SKAP1: variants seen among roughly 807,000 people sequenced by gnomAD.
SKAP1 encodes src kinase associated phosphoprotein 1.
SKAP1 carries 44 observed loss-of-function variants against 58.5 expected under a neutral mutation model. That is an observed-to-expected ratio of 0.75 (90% CI 0.59 to 0.97). The LOEUF is 0.97. Among genes scored for constraint, SKAP1 ranks in the 50% least tolerant of loss-of-function variants. The probability of loss-of-function intolerance (pLI) is 0.00; values close to 1 mark genes in which losing one functional copy is unlikely to be tolerated. For missense variants in SKAP1, 390 were observed against 435.2 expected (o/e 0.90, Z 0.92); for synonymous variants, 127 against 149.7 (o/e 0.85, Z 1.11).
chr17:48,160,885 C>T (rs1161344199), intron 11 of SKAP1, among the ~76,000 whole-genome samples: 1 of 152,228 alleles, frequency 6.6e-6, no homozygotes, highest in Non-Finnish European at 1.5e-5. Context: ...TGCTTTCGGG[C>T]ATTTGAAATA....
intron 11 of SKAP1, chr17:48,156,418 A>T: frequency 2.0e-6 from 1 of 508,770 alleles, no homozygotes; most frequent in Non-Finnish European, 4.0e-6. Flanking sequence ...TTGGTTACGT[A>T]TGAGGAGACC....
At chr17:48,305,357 A>G (rs1211622830) in intron 4 of SKAP1, among the ~76,000 whole-genome samples, 1 of 152,082 alleles carries the variant, frequency 6.6e-6, no homozygotes, top group Non-Finnish European at 1.5e-5. Flanking sequence ...GCCTATAATA[A>G]AAGTTTTAAT....
chr17:48,418,783 C>A (rs986809986), intron 1 of SKAP1, among the ~76,000 whole-genome samples: 5 of 152,142 alleles, frequency 3.3e-5, no homozygotes, highest in African/African-American at 1.2e-4. Flanking sequence ...CAAACCAATA[C>A]ACACAATAAC....
rs2065610240 is a variant in SKAP1, at chr17:48,270,228, A to G, written c.280+75677T>C. ...TAAAAGTCATCAAAAATATCTCAGTATTTGTGACTTTTCTTTTGGATAACT... is the reference window on the plus strand; with the variant it reads ...TAAAAGTCATCAAAAATATCTCAGTGTTTGTGACTTTTCTTTTGGATAACT... On this transcript the variant is annotated intron_variant, in intron 4 of 12. Coordinates refer to ENST00000336915, the MANE Select transcript of SKAP1 (RefSeq NM_003726.4). 2.0e-5 allele frequency among the ~76,000 whole-genome samples: 3 copies of G among 152,328 alleles called. No homozygotes were observed. The South Asian group carries it at 6.2e-4, about 32-fold the overall frequency.
At chr17:48,304,112 T>G (rs1690162805) in intron 4 of SKAP1, among the ~76,000 whole-genome samples, 1 of 152,196 alleles carries the variant, frequency 6.6e-6, no homozygotes, top group South Asian at 2.1e-4. Flanking sequence ...ATTTGCTACA[T>G]CTAATGTAAT....
intron 4 of SKAP1, among the ~76,000 whole-genome samples, chr17:48,197,562 G>A (rs1206429360): frequency 6.6e-6 from 1 of 152,120 alleles, no homozygotes; most frequent in African/African-American, 2.4e-5. Flanking sequence ...GGTGGTATGT[G>A]CCTGTAGTCC....
chr17:48,347,957 G>A (rs2066744545), intron 3 of SKAP1, among the ~76,000 whole-genome samples: 1 of 152,196 alleles, frequency 6.6e-6, no homozygotes, highest in African/African-American at 2.4e-5. Context: ...TTTAACTTTT[G>A]TAGGATATAC....
chr17:48,335,741 AT>A (rs2066559291), intron 4 of SKAP1, among the ~76,000 whole-genome samples: 2 of 152,162 alleles, frequency 1.3e-5, no homozygotes, highest in African/African-American at 4.8e-5. Flanking sequence ...CTTAAAATTC[AT>A]ATTTAACACA....
intron 4 of SKAP1, among the ~76,000 whole-genome samples, chr17:48,259,305 T>C (rs2065461004): frequency 6.6e-6 from 1 of 152,136 alleles, no homozygotes; most frequent in Non-Finnish European, 1.5e-5. Context: ...TCATATCTAT[T>C]ATTATATTAG....
intron 3 of SKAP1, among the ~76,000 whole-genome samples, chr17:48,355,530 G>A (rs1298696855): frequency 1.3e-5 from 2 of 152,152 alleles, no homozygotes; most frequent in East Asian, 1.9e-4. Flanking sequence ...AGCCTCCCTC[G>A]GCTTCCCAAA....
chr17:48,418,239 G>A (rs8079360), intron 1 of SKAP1, among the ~76,000 whole-genome samples: 26,265 of 152,076 alleles, frequency 0.17, 2,324 homozygotes, highest in Non-Finnish European at 0.19. Flanking sequence ...GCAGTGAGCC[G>A]TAATCGTGCC....
chr17:48,255,483 A>G (rs2065413278), intron 4 of SKAP1, among the ~76,000 whole-genome samples: 1 of 151,380 alleles, frequency 6.6e-6, no homozygotes, highest in African/African-American at 2.4e-5. Context: ...AGAATATGGT[A>G]TAACAGGATA....
chr17:48,184,216 C>T (rs1376701961), intron 7 of SKAP1, among the ~76,000 whole-genome samples: 10 of 152,162 alleles, frequency 6.6e-5, no homozygotes, highest in Admixed American at 2.0e-4. Flanking sequence ...TTGTTACTAT[C>T]GTCACCAATA....
chr17:48,273,339 G>A (rs1260243106), intron 4 of SKAP1, among the ~76,000 whole-genome samples: 1 of 151,904 alleles, frequency 6.6e-6, no homozygotes, highest in Non-Finnish European at 1.5e-5. Flanking sequence ...AACCTCCACT[G>A]GACGTTTAGT....
At chr17:48,198,879 A>C (rs1350141267) in intron 4 of SKAP1, among the ~76,000 whole-genome samples, 3 of 152,208 alleles carry the variant, frequency 2.0e-5, no homozygotes, top group Non-Finnish European at 4.4e-5. Flanking sequence ...GCAAAGTGGG[A>C]ATCCTGATAC....
rs546918757 is a variant in SKAP1, at chr17:48,299,426, G to C, written c.280+46479C>G. ...TCCTTCAGTATTTCTGATGTCTAAG[G>C]GAGGAAAACCTCCAGATATCATTGA... On this transcript the variant is annotated intron_variant, in intron 4 of 12. Transcript: ENST00000336915. Among the ~76,000 whole-genome samples, 9 of 152,256 alleles carry C rather than the reference G, an allele frequency of 5.9e-5. No individual in the cohort carries two copies. The South Asian group carries it at 6.2e-4, about 11-fold the overall frequency.
In SKAP1 at chr17:48,285,339, G is replaced by A. The variant is rs142999744; in HGVS notation, c.280+60566C>T. Reference sequence around the variant, plus strand: ...TAGAGAGAAAAAGGGAGCCCTGGCCGGGCACTGTGGCTCATGCCTGTAGTC... The same window carrying A: ...TAGAGAGAAAAAGGGAGCCCTGGCCAGGCACTGTGGCTCATGCCTGTAGTC... On this transcript the variant is annotated intron_variant, in intron 4 of 12. Coordinates refer to ENST00000336915, the MANE Select transcript of SKAP1 (RefSeq NM_003726.4). Among the ~76,000 whole-genome samples the A allele has an allele frequency of 1.1e-4, 17 of 152,218 alleles. No individual in the cohort carries two copies. The East Asian group carries it at 1.9e-3, about 17-fold the overall frequency.
intron 12 of SKAP1, among the ~76,000 whole-genome samples, chr17:48,135,291 T>C (rs543780865): frequency 9.9e-5 from 15 of 152,228 alleles, no homozygotes; most frequent in South Asian, 6.2e-4. Flanking sequence ...TGAAGACTGC[T>C]CCTATTTCAG....
At chr17:48,301,131 T>G (rs1232874977) in intron 4 of SKAP1, among the ~76,000 whole-genome samples, 4 of 152,042 alleles carry the variant, frequency 2.6e-5, no homozygotes, top group Non-Finnish European at 5.9e-5. Context: ...CTCCTACCAT[T>G]TATCCCTTTC....
Sources: allele counts gnomAD v4.1 joint callset (sites outside exome capture counted in the v4.1 genomes callset), GRCh38; gene constraint gnomAD v4.1.1; transcripts MANE v1.5; gene names NCBI Gene and HGNC (gene_info 2026-07-23, HGNC 2026-07-21).